Variants in TAOK2 observed in about 807,000 individuals in gnomAD.
TAOK2 encodes the protein TAO kinase 2.
Under a neutral mutation model 122.5 loss-of-function variants are expected in TAOK2, and 42 were observed. The ratio of observed to expected loss-of-function variants is 0.34; its 90% CI spans 0.27 to 0.44. TAOK2 has a LOEUF of 0.44. Ranked by LOEUF, TAOK2 falls within the 20% of genes least tolerant of loss-of-function variation. The pLI, the probability that TAOK2 is intolerant of heterozygous loss-of-function variation, is 1.00. For missense variants in TAOK2, 1,264 were observed against 1,644.9 expected (o/e 0.77, Z 4.01); for synonymous variants, 704 against 677.6 (o/e 1.04, Z -0.61).
At position 29,978,358 on chromosome 16, in the gene TAOK2, G is replaced by C; in HGVS notation, c.306+5G>C. ...CTGAGGGAGCACACGGCTTGGGTGAGCTGGTGCCAGATTCTGGCCTGATCT... is the reference window on the plus strand; with the variant it reads ...CTGAGGGAGCACACGGCTTGGGTGACCTGGTGCCAGATTCTGGCCTGATCT... On this transcript the variant is annotated splice_donor_5th_base_variant and intron_variant, in intron 4 of 15. Transcript: ENST00000308893. The C allele has an allele frequency of 1.2e-6, 2 of 1,614,048 alleles. No homozygotes were observed. The highest frequency in any genetic ancestry group is 1.7e-6 in the Non-Finnish European group (2 of 1,179,918).
chr16:29,989,957 T>C, downstream of TAOK2: 1 of 695,566 alleles, frequency 1.4e-6, no homozygotes, highest in Non-Finnish European at 2.4e-6. Flanking sequence ...TCCACAATGA[T>C]TTATTTCATA....
Position 29,986,363 on chromosome 16 carries a change from C to T in TAOK2, c.2091C>T (p.Ala697=), listed in dbSNP as rs146051327. 1.8e-5 allele frequency: 29 copies of T among 1,601,502 alleles called. No homozygotes were observed. Among genetic ancestry groups the T allele is most frequent in the African/African-American group, 8.0e-5 (6 of 74,710 alleles). The change falls in exon 16 of 16, where the codon GCC becomes GCT. Residue 697 remains alanine, a synonymous_variant. Coordinates refer to ENST00000308893, the MANE Select transcript of TAOK2 (RefSeq NM_016151.4). This position sits in a 1 kb window ranked among gnomAD's most constrained non-coding sequence, Gnocchi z 4.2. The part of the protein sequence containing the change: ...TRELELRQLQ[A]VQRTRAELTR... ...AGCTGGAGCTGCGGCAGCTCCAGGC[C>T]GTGCAGCGCACGCGGGCTGAGCTCA...
rs143615949 is a variant in TAOK2 at position 29,979,749 on chromosome 16, C to T, written c.655+241C>T. The stretch of plus-strand genomic sequence containing the variant: ...CCTGGTTCTGAATCTTTTCTTAGTG[C>T]CCACCATGTGCTGTGCCATGGACTG... On this transcript the variant is annotated intron_variant, in intron 8 of 15. Transcript: ENST00000308893. This position sits in a 1 kb window ranked among gnomAD's most constrained non-coding sequence, Gnocchi z 4.1. Among the ~76,000 whole-genome samples the T allele has an allele frequency of 3.9e-3, 591 of 152,226 alleles. 6 individuals carry two copies. Among genetic ancestry groups the T allele is most frequent in the African/African-American group, 0.013 (548 of 41,508 alleles).
Position 29,987,130 on chromosome 16 carries a change from C to A in TAOK2, c.2858C>A (p.Ala953Asp). ...LPGLLSHGLL[A>D]GLSFAVGSSS... The stretch of plus-strand genomic sequence containing the variant: ...GGACTCCTGTCCCATGGCCTCCTGG[C>A]CGGCCTCTCCTTTGCAGTGGGGTCC... The change falls in exon 16 of 16, where the codon GCC (alanine) becomes GAC (aspartate). Residue 953 changes from alanine (A) to aspartate (D), a missense_variant. Ala to Asp is a moderately radical substitution (Grantham distance 126). Transcript: ENST00000308893. The A allele has an allele frequency of 6.3e-7, 1 of 1,596,722 alleles. No individual in the cohort carries two copies. Among genetic ancestry groups the A allele is most frequent in the South Asian group, 1.1e-5 (1 of 88,442 alleles).
intron 8 of TAOK2, 164 bp from the exon 9 acceptor site, chr16:29,981,497 A>C (rs1223036691): frequency 2.9e-6 from 2 of 701,152 alleles, no homozygotes; most frequent in African/African-American, 3.5e-5. Flanking sequence ...TATTTTACAG[A>C]GGAAGGAATT....
intron 1 of TAOK2, among the ~76,000 whole-genome samples, chr16:29,975,262 A>G (rs1224196776): frequency 5.3e-5 from 8 of 152,178 alleles, no homozygotes; most frequent in Admixed American, 5.2e-4. Context: ...TTTGACAGCC[A>G]TTCTCTCATG....
chr16:29,983,356 C>T (rs773356622), intron 12 of TAOK2, 24 bp downstream of exon 12: 1 of 1,576,894 alleles, frequency 6.3e-7, no homozygotes, highest in Non-Finnish European at 8.6e-7. Flanking sequence ...CCTTGGGGGA[C>T]CCGAGCCACC....
At chr16:29,989,505 C>T (rs1193768536), downstream of TAOK2, 4 of 1,589,346 alleles carry the variant, frequency 2.5e-6, no homozygotes, top group African/African-American at 5.4e-5. Flanking sequence ...TCCCCATTTC[C>T]CCTGGTTGTT....
Position 29,985,107 on chromosome 16 carries a change from G to A in TAOK2, c.1423-106G>A. ...TGTGAGGAAGGTGTTAAATGAGAAT[G>A]AAACCCATGAGTTGAAAACCCATGC... On this transcript the variant is annotated intron_variant, in intron 13 of 15. Transcript: ENST00000308893. This position sits in a 1 kb window ranked among gnomAD's most constrained non-coding sequence, Gnocchi z 6.9. The A allele has an allele frequency of 7.3e-7, 1 of 1,365,892 alleles. No individual in the cohort carries two copies. Among genetic ancestry groups the A allele is most frequent in the African/African-American group, 1.5e-5 (1 of 68,788 alleles). The allele number at this position is 1,365,892 out of a possible 1,614,324, so 84.6% of individuals were successfully genotyped here.
chr16:29,990,057 G>C, downstream of TAOK2: 2 of 452,288 alleles, frequency 4.4e-6, no homozygotes, highest in Non-Finnish European at 8.0e-6. Context: ...CCAAGGAAAA[G>C]AGTGGCTATT....
At chr16:29,989,159 A>G (rs796982080), downstream of TAOK2, 12 of 984,834 alleles carry the variant, frequency 1.2e-5, no homozygotes, top group African/African-American at 2.1e-4. Context: ...GTTCTCGTGC[A>G]CGTTCTCATA....
At position 29,987,976 on chromosome 16, in the gene TAOK2, G is replaced by T; in HGVS notation, c.3704G>T (p.Arg1235Met). The stretch of plus-strand genomic sequence containing the variant: ...CAGTCCCGGGCCCTGCCCCCCTGGA[G>T]GTAGCTGACTCCAGCCCTTCCAGCC... ...TRQSRALPPW[R>M] is the part of the protein sequence containing the mutation. Residue 1235 changes from arginine to methionine, a missense_variant, in exon 16 of 16, where the codon AGG becomes ATG. By Grantham distance (91) the Arg-to-Met change is moderately conservative (BLOSUM62 -1). Around this residue, in one of 4 missense-constraint regions of TAOK2, gnomAD observed 824 missense variants for 908.7 expected, o/e 0.91. Transcript: ENST00000308893. 6.5e-7 allele frequency: 1 copy of T among 1,527,156 alleles called. No individual in the cohort carries two copies. The highest frequency in any genetic ancestry group is 8.7e-7 in the Non-Finnish European group (1 of 1,143,970). 94.6% of individuals were successfully genotyped at this position (1,527,156 alleles called of 1,614,324 possible).
At position 29,986,002 on chromosome 16, in the gene TAOK2, T is replaced by C. The variant is rs1044194847; in HGVS notation, c.1992+141T>C. On this transcript the variant is annotated intron_variant, in intron 15 of 15. Transcript: ENST00000308893. The surrounding 1 kb of genome is among the most constrained non-coding windows in gnomAD (Gnocchi z 4.2). ...AGCTTTGCTTCAGTGCCCCTTTTAC[T>C]TCTCATCCCCAACAGACCCTGCCAG... 2 of 1,154,700 alleles carry C rather than the reference T, an allele frequency of 1.7e-6. No homozygotes were observed. The highest frequency in any genetic ancestry group is 1.6e-5 in the African/African-American group (1 of 64,344). The allele number at this position is 1,154,700 out of a possible 1,614,324, so 71.5% of individuals were successfully genotyped here. A position where few individuals can be genotyped will look rare whatever the true frequency, so the allele number is the denominator to read the frequency against.
downstream of TAOK2, chr16:29,991,950 G>A (rs570798122): frequency 5.1e-4 from 86 of 169,288 alleles, no homozygotes; most frequent in African/African-American, 1.6e-3. This position sits in a 1 kb window ranked among gnomAD's most constrained non-coding sequence, Gnocchi z 5.6. Flanking sequence ...CTGCCACAGG[G>A]CAGAGCAGGT....
chr16:29,987,173 C>T lies in TAOK2; in HGVS notation c.2901C>T (p.Pro967=), dbSNP rs780107934. 3.2e-6 allele frequency: 5 copies of T among 1,561,916 alleles called. No homozygotes were observed. The African/African-American group carries it at 5.5e-5, about 17-fold the overall frequency. Residue 967 remains proline (P), a synonymous_variant, in exon 16 of 16, where the codon CCC becomes CCT. Transcript: ENST00000308893. ...FAVGSSSGLL[P]LLLLLLLPLL... ...TGGGGTCCTCCTCTGGCCTCCTGCC[C>T]CTCCTGCTGCTGCTGCTGCTTCCAT...
At chr16:29,975,473 A>C (rs903133756) in intron 1 of TAOK2, among the ~76,000 whole-genome samples, 1 of 152,170 alleles carries the variant, frequency 6.6e-6, no homozygotes, top group Non-Finnish European at 1.5e-5. Context: ...GGGCTCGGCC[A>C]GGGGTCCCTA....
chr16:29,987,047 C>T lies in TAOK2; in HGVS notation c.2775C>T (p.Asp925=). Residue 925 remains aspartate (D), a synonymous_variant, in exon 16 of 16, where the codon GAC becomes GAT. Transcript: ENST00000308893. The part of the protein sequence containing the change: ...RDPGDGCPSP[D]IPPEPPPTHL... ...CTGGAGATGGTTGTCCTTCCCCCGACATCCCTCCTGAACCCCCTCCAACAC... is the reference window on the plus strand; with the variant it reads ...CTGGAGATGGTTGTCCTTCCCCCGATATCCCTCCTGAACCCCCTCCAACAC... The T allele has an allele frequency of 6.2e-7, 1 of 1,612,870 alleles. No homozygotes were observed. Among genetic ancestry groups the T allele is most frequent in the Non-Finnish European group, 8.5e-7 (1 of 1,179,194 alleles).
intron 11 of TAOK2, 33 bp downstream of exon 11, chr16:29,982,934 A>G (rs2069661496): frequency 1.2e-6 from 2 of 1,610,106 alleles, no homozygotes; most frequent in African/African-American, 1.3e-5. Flanking sequence ...CCCTCTTTAT[A>G]CCCCATGTGT....
intron 8 of TAOK2, chr16:29,980,675 C>T (rs1219835624): frequency 1.3e-5 from 2 of 152,068 alleles, no homozygotes; most frequent in Non-Finnish European, 2.9e-5. Flanking sequence ...ATGCCAGGCC[C>T]AGACAGTTGA....
Sources: allele counts gnomAD v4.1 joint callset (sites outside exome capture counted in the v4.1 genomes callset), GRCh38; gene constraint gnomAD v4.1.1; regional missense constraint gnomAD v4.1.1; non-coding constraint Gnocchi (gnomAD v3.1); transcripts MANE v1.5; gene names NCBI Gene and HGNC (gene_info 2026-07-23, HGNC 2026-07-21).